UNC13C: variants seen among roughly 807,000 people sequenced by gnomAD.
The protein encoded by UNC13C is unc-13 homolog C.
A neutral mutation model predicts 245.4 loss-of-function variants in UNC13C; 174 were observed. The ratio of observed to expected loss-of-function variants is 0.71; its 90% CI spans 0.63 to 0.80. The LOEUF (loss-of-function observed/expected upper bound fraction) is 0.80. Among genes scored for constraint, UNC13C ranks in the 30% least tolerant of loss-of-function variants. The pLI is 0.00. For missense variants in UNC13C, 2,829 were observed against 2,602.9 expected, an observed-to-expected ratio of 1.09 and a Z score of -1.89; for synonymous variants, 992 against 895.1, an observed-to-expected ratio of 1.11 and a Z score of -1.93.
chr15:54,096,951 T>C (rs1019377557), intron 2 of UNC13C, among the ~76,000 whole-genome samples: 3 of 152,230 alleles, frequency 2.0e-5, no homozygotes, highest in Non-Finnish European at 4.4e-5. Context: ...AACTTTTGTC[T>C]ATACTATTTG....
intron 2 of UNC13C, among the ~76,000 whole-genome samples, chr15:54,098,923 G>GA (rs1261261902): frequency 9.9e-5 from 15 of 152,188 alleles, no homozygotes; most frequent in Admixed American, 1.3e-4. Context: ...GGTGAGGATG[G>GA]AAAGTCTGAC....
intron 4 of UNC13C, among the ~76,000 whole-genome samples, chr15:54,147,040 G>C (rs1224062246): frequency 6.6e-6 from 1 of 152,076 alleles, no homozygotes; most frequent in Non-Finnish European, 1.5e-5. Context: ...TTTAGCCATT[G>C]GTTGGGAGCA....
At chr15:54,180,200 T>C (rs1253643108) in intron 4 of UNC13C, among the ~76,000 whole-genome samples, 1 of 152,002 alleles carries the variant, frequency 6.6e-6, no homozygotes, top group African/African-American at 2.4e-5. Context: ...TGTTACATCT[T>C]TATGTCCATG....
chr15:54,032,183 A>C (rs1896385374), intron 2 of UNC13C, among the ~76,000 whole-genome samples: 1 of 152,226 alleles, frequency 6.6e-6, no homozygotes, highest in African/African-American at 2.4e-5. Flanking sequence ...CTCATTTATT[A>C]CAGTAATTTG....
intron 4 of UNC13C, among the ~76,000 whole-genome samples, chr15:54,186,267 C>T (rs1324522540): frequency 6.6e-6 from 1 of 152,084 alleles, no homozygotes; most frequent in Non-Finnish European, 1.5e-5. Flanking sequence ...TTTATTTCTT[C>T]TCCTGCCTGA....
chr15:54,546,874 C>A, intron 27 of UNC13C, 29 bp downstream of exon 27: 1 of 1,543,814 alleles, frequency 6.5e-7, no homozygotes, highest in South Asian at 1.3e-5. Flanking sequence ...GTTATGCTTT[C>A]ATTAACCCAT....
chr15:54,542,777 C>G (rs1896306244), intron 26 of UNC13C, among the ~76,000 whole-genome samples: 1 of 152,004 alleles, frequency 6.6e-6, no homozygotes, highest in African/African-American at 2.4e-5. Context: ...CTTTTTCGAT[C>G]TTTGTTGGTT....
intron 4 of UNC13C, among the ~76,000 whole-genome samples, chr15:54,204,424 A>G (rs1445604139): frequency 6.6e-6 from 1 of 151,884 alleles, no homozygotes; most frequent in East Asian, 1.9e-4. Context: ...GGCTGTAGGC[A>G]TAAACTAGAT....
At chr15:54,085,981 G>A (rs1483984394) in intron 2 of UNC13C, among the ~76,000 whole-genome samples, 1 of 152,178 alleles carries the variant, frequency 6.6e-6, no homozygotes, top group Non-Finnish European at 1.5e-5. Context: ...GTGATACAGA[G>A]TGATATTTCA....
chr15:53,918,445 A>G, the UNC13C span, among the ~76,000 whole-genome samples: 3 of 152,192 alleles, frequency 2.0e-5, no homozygotes, highest in Admixed American at 2.0e-4. Flanking sequence ...GAAAAATAGT[A>G]GTAATTTAAC....
chr15:54,571,742 A>G (rs1596592043), intron 30 of UNC13C, among the ~76,000 whole-genome samples: 1 of 152,218 alleles, frequency 6.6e-6, no homozygotes, highest in South Asian at 2.1e-4. Context: ...GCTCGGTCCT[A>G]TGCAGGACCA....
chr15:54,554,009 C>T (rs1368283795), intron 28 of UNC13C, among the ~76,000 whole-genome samples: 3 of 151,804 alleles, frequency 2.0e-5, no homozygotes, highest in South Asian at 2.1e-4. Flanking sequence ...TTGAAATCCC[C>T]GTATCAGAGA....
intron 4 of UNC13C, among the ~76,000 whole-genome samples, chr15:54,211,439 G>A (rs915705393): frequency 6.6e-6 from 1 of 152,022 alleles, no homozygotes; most frequent in Admixed American, 6.6e-5. Context: ...TTTTATTCAA[G>A]TAGGAAAAAA....
Position 54,494,796 on chromosome 15 carries a change from C to T in UNC13C, c.5060+62C>T, listed in dbSNP as rs1424078413. On this transcript the variant is annotated intron_variant, in intron 20 of 32. Transcript: ENST00000260323. The stretch of plus-strand genomic sequence containing the variant: ...AAATTCACATTCCTGTAAAATTACA[C>T]CTGAATTGTGTACCACTAAAATCTC... 2.1e-5 allele frequency: 33 copies of T among 1,565,188 alleles called. No individual in the cohort carries two copies. The South Asian group carries it at 3.7e-4, about 17-fold the overall frequency.
chr15:54,187,447 C>A (rs1377985160), intron 4 of UNC13C, among the ~76,000 whole-genome samples: 1 of 148,042 alleles, frequency 6.8e-6, no homozygotes, highest in African/African-American at 2.5e-5. Flanking sequence ...TGACCCTTCT[C>A]AATAACTCTT....
chr15:54,010,223 T>A (rs982797473), intron 1 of UNC13C, among the ~76,000 whole-genome samples: 1 of 152,218 alleles, frequency 6.6e-6, no homozygotes. Context: ...GAGTCTATTA[T>A]GTATAAAGGA....
intron 2 of UNC13C, among the ~76,000 whole-genome samples, chr15:54,021,427 A>G (rs561470338): frequency 1.3e-5 from 2 of 152,306 alleles, no homozygotes; most frequent in East Asian, 3.9e-4. Context: ...TTCCACATAT[A>G]ATTGAGATCA....
chr15:54,610,843 A>G (rs1215877428), intron 30 of UNC13C, among the ~76,000 whole-genome samples: 1 of 152,180 alleles, frequency 6.6e-6, no homozygotes, highest in African/African-American at 2.4e-5. Flanking sequence ...CTGCATCACT[A>G]TTAGGTTTCA....
chr15:54,540,513 C>G (rs535120234), intron 26 of UNC13C, among the ~76,000 whole-genome samples: 5 of 152,154 alleles, frequency 3.3e-5, no homozygotes, highest in African/African-American at 1.2e-4. Flanking sequence ...ATTAAAGAGG[C>G]ATTTGCTAGT....
Sources: allele counts gnomAD v4.1 joint callset (sites outside exome capture counted in the v4.1 genomes callset), GRCh38; gene constraint gnomAD v4.1.1; transcripts MANE v1.5; gene names NCBI Gene and HGNC (gene_info 2026-07-23, HGNC 2026-07-21).